MYPN: variants seen among roughly 807,000 people sequenced by gnomAD.
MYPN encodes the protein sarcomeric protein myopalladin, 145 kDa (MYOP).
A neutral mutation model predicts 129.4 loss-of-function variants in MYPN; 63 were observed. That is an observed-to-expected ratio of 0.49 (90% confidence interval 0.40 to 0.60). The LOEUF (loss-of-function observed/expected upper bound fraction) is 0.60. Ranked by LOEUF, MYPN falls within the 20% of genes least tolerant of loss-of-function variation. MYPN has a pLI of 0.00. For synonymous variants in MYPN, 629 were observed against 600.9 expected, an observed-to-expected ratio of 1.05 and a Z score of -0.68; for missense variants, 1,596 against 1,635.4, an observed-to-expected ratio of 0.98 and a Z score of 0.42.
At chr10:68,135,515 G>T (rs2042473350) in intron 2 of MYPN, 4 of 984,372 alleles carry the variant, frequency 4.1e-6, no homozygotes, top group Non-Finnish European at 4.8e-6. Flanking sequence ...CTGGAAATGT[G>T]AGTAAGCAAA....
At chr10:68,202,023 T>A in intron 18 of MYPN, 29 bp downstream of exon 18, 1 of 1,613,420 alleles carries the variant, frequency 6.2e-7, no homozygotes, top group Non-Finnish European at 8.5e-7. Context: ...CCAGAGGGAC[T>A]CCCACTCTCA....
intron 1 of MYPN, among the ~76,000 whole-genome samples, chr10:68,093,743 C>T (rs144856262): frequency 0.023 from 3,395 of 149,318 alleles, 153 homozygotes; most frequent in African/African-American, 0.08. Context: ...GGTGACAGAG[C>T]GAGACTCCGT....
intron 13 of MYPN, among the ~76,000 whole-genome samples, chr10:68,192,413 A>T (rs2043529613): frequency 6.6e-6 from 1 of 152,100 alleles, no homozygotes; most frequent in South Asian, 2.1e-4. Context: ...TATTTTGTTG[A>T]GGATTTTTGC....
chr10:68,174,688 T>C (rs1431556038), intron 11 of MYPN, 32 bp downstream of exon 11: 2 of 1,601,444 alleles, frequency 1.2e-6, no homozygotes, highest in South Asian at 1.1e-5. Context: ...TGATGTAAGA[T>C]GCTAGTTAAG....
intron 1 of MYPN, among the ~76,000 whole-genome samples, chr10:68,114,560 G>T (rs1235031264): frequency 6.6e-6 from 1 of 151,944 alleles, no homozygotes; most frequent in Non-Finnish European, 1.5e-5. Flanking sequence ...TGTTGACCAG[G>T]CTGGTCTCGA....
chr10:68,209,785 C>A (rs920980469), intron 19 of MYPN, among the ~76,000 whole-genome samples: 7 of 151,020 alleles, frequency 4.6e-5, no homozygotes, highest in African/African-American at 1.7e-4. Context: ...ACCTCTGCCT[C>A]CTGGGTTCAA....
chr10:68,098,100 G>T (rs1276342024), intron 1 of MYPN, among the ~76,000 whole-genome samples: 1 of 152,112 alleles, frequency 6.6e-6, no homozygotes, highest in Non-Finnish European at 1.5e-5. Flanking sequence ...ACAAAAATTA[G>T]CTGGGCATGG....
chr10:68,101,315 T>G (rs1301948047), upstream of MYPN, among the ~76,000 whole-genome samples: 1 of 152,216 alleles, frequency 6.6e-6, no homozygotes, highest in African/African-American at 2.4e-5. Flanking sequence ...AAGGAAATAT[T>G]GGTGGAACAT....
chr10:68,146,780 T>C (rs2042673731), intron 4 of MYPN, among the ~76,000 whole-genome samples: 1 of 152,336 alleles, frequency 6.6e-6, no homozygotes, highest in Admixed American at 6.5e-5. Context: ...AAAATGCATA[T>C]ACCACTATCC....
intron 2 of MYPN, among the ~76,000 whole-genome samples, chr10:68,129,984 T>C (rs1046919817): frequency 1.3e-5 from 2 of 152,216 alleles, no homozygotes; most frequent in Non-Finnish European, 1.5e-5. Flanking sequence ...GCCAGTCTGA[T>C]GGGTATGAAG....
upstream of MYPN, among the ~76,000 whole-genome samples, chr10:68,105,085 A>G (rs949096490): frequency 5.3e-5 from 8 of 152,128 alleles, no homozygotes; most frequent in Non-Finnish European, 8.8e-5. Flanking sequence ...GCCCGGCCTA[A>G]TATGTTTTCT....
chr10:68,194,827 A>G (rs1187494672), intron 14 of MYPN, among the ~76,000 whole-genome samples: 1 of 152,232 alleles, frequency 6.6e-6, no homozygotes, highest in African/African-American at 2.4e-5. Context: ...ATAAATCATT[A>G]TATCAATCAT....
Position 68,210,463 on chromosome 10 carries a change from T to C in MYPN, c.*8T>C, listed in dbSNP as rs749762276. On this transcript the variant is annotated 3_prime_UTR_variant, in exon 20 of 20. Transcript: ENST00000358913. ...GAGAGTGATGAACTTTAAGAATGTC[T>C]AGGTACCTGCTGTGTAAGAGAGCGG... is the stretch of plus-strand genomic sequence containing the variant. The C allele has an allele frequency of 6.2e-7, 1 of 1,613,938 alleles. No individual in the cohort carries two copies. Among genetic ancestry groups the C allele is most frequent in the Non-Finnish European group, 8.5e-7 (1 of 1,179,944 alleles).
At chr10:68,206,573 A>G (rs549885268) in intron 18 of MYPN, among the ~76,000 whole-genome samples, 197 bp from the exon 19 acceptor site, 2 of 152,300 alleles carry the variant, frequency 1.3e-5, no homozygotes, top group South Asian at 4.1e-4. Flanking sequence ...GGAGGGCAAC[A>G]GCAGGTCTCA....
intron 1 of MYPN, among the ~76,000 whole-genome samples, chr10:68,095,726 G>A (rs568361762): frequency 1.3e-5 from 2 of 152,286 alleles, no homozygotes; most frequent in East Asian, 3.9e-4. Flanking sequence ...CCTAGGGACA[G>A]AAAGGAGAAT....
At chr10:68,161,848 A>G in intron 8 of MYPN, 96 bp downstream of exon 8, 2 of 1,039,148 alleles carry the variant, frequency 1.9e-6, no homozygotes, top group Non-Finnish European at 2.9e-6. Context: ...TAAAAAGTGA[A>G]AAATAAAGTT....
chr10:68,100,389 T>G (rs182939792), intron 1 of MYPN, among the ~76,000 whole-genome samples: 4 of 152,266 alleles, frequency 2.6e-5, no homozygotes, highest in East Asian at 1.9e-4. Context: ...ATTATGTGTG[T>G]TTTAAGTGTA....
rs1285374895 is a variant in MYPN, at chr10:68,195,458, C to A, written c.3084C>A (p.Ile1028=). Residue 1028 remains isoleucine (I), a synonymous_variant, in exon 15 of 20, where the codon ATC becomes ATA. Transcript: ENST00000358913. ...CTTTTTCTGTTTGTCAGGGGAGAAT[C>A]AGCTGTTCTGGCCACTTGATGGTAC... ...TIMAANPQGR[I]SCSGHLMVQS... is the part of the protein sequence containing the mutation. 1 of 1,613,950 alleles carries A rather than the reference C, an allele frequency of 6.2e-7. No homozygotes were observed. Among genetic ancestry groups the A allele is most frequent in the South Asian group, 1.1e-5 (1 of 91,076 alleles).
At chr10:68,153,678 T>C (rs1430773346) in intron 6 of MYPN, among the ~76,000 whole-genome samples, 2 of 152,192 alleles carry the variant, frequency 1.3e-5, no homozygotes, top group African/African-American at 4.8e-5. Context: ...TTAGTTTCCA[T>C]CAGTGAGGGC....
Sources: gnomAD v4.1 joint callset for allele counts (sites outside exome capture counted in the v4.1 genomes callset) on GRCh38, gnomAD v4.1.1 for gene constraint, MANE v1.5 for transcripts, NCBI Gene and HGNC (gene_info 2026-07-23, HGNC 2026-07-21) for gene names.